The following PLCL1 variants were observed in gnomAD, a reference collection of about 807,000 sequenced individuals.
PLCL1 encodes phospholipase C like 1 (inactive).
PLCL1 carries 41 observed loss-of-function variants against 84.4 expected under a neutral mutation model. The ratio of observed to expected loss-of-function variants is 0.49; its 90% CI spans 0.38 to 0.63. The LOEUF is 0.63. Ranked by LOEUF, PLCL1 falls within the 30% of genes least tolerant of loss-of-function variation. The pLI, the probability that PLCL1 is intolerant of heterozygous loss-of-function variation, is 0.00. For missense variants in PLCL1, 1,206 were observed against 1,367.8 expected (o/e 0.88, Z 1.87); for synonymous variants, 490 against 488.3 (o/e 1.00, Z -0.05).
intron 1 of PLCL1, among the ~76,000 whole-genome samples, chr2:197,974,821 C>T (rs916305406): frequency 6.6e-6 from 1 of 152,212 alleles, no homozygotes; most frequent in Non-Finnish European, 1.5e-5. Context: ...CCTGACAGGC[C>T]TGGGAGCTTG....
chr2:197,866,010 CAAAAAAAAA>C (rs1171570991), intron 1 of PLCL1, among the ~76,000 whole-genome samples: 1 of 11,920 alleles, frequency 8.4e-5, no homozygotes, highest in African/African-American at 4.6e-4. Flanking sequence ...AACCTATCTC[CAAAAAAAAA>C]AAAAAAAAAA....
chr2:198,108,774 C>A (rs1693549247), intron 5 of PLCL1, among the ~76,000 whole-genome samples: 1 of 151,944 alleles, frequency 6.6e-6, no homozygotes, highest in Non-Finnish European at 1.5e-5. Flanking sequence ...AATTCATATT[C>A]TAGCACCTAC....
chr2:197,876,874 G>A (rs1402070860), intron 1 of PLCL1, among the ~76,000 whole-genome samples: 1 of 152,148 alleles, frequency 6.6e-6, no homozygotes, highest in Non-Finnish European at 1.5e-5. Context: ...AATAGGTTAT[G>A]CTATAGATTT....
intron 1 of PLCL1, among the ~76,000 whole-genome samples, chr2:197,955,195 A>T (rs149161062): frequency 2.8e-4 from 43 of 152,114 alleles, no homozygotes; most frequent in African/African-American, 1.0e-3. Context: ...TTTTCTTAAT[A>T]CAGCTTTGCA....
intron 1 of PLCL1, among the ~76,000 whole-genome samples, chr2:198,033,629 C>T (rs532288953): frequency 1.3e-5 from 2 of 152,342 alleles, no homozygotes; most frequent in South Asian, 2.1e-4. Context: ...TAAGCCCAAA[C>T]TGCTGACTGT....
intron 3 of PLCL1, among the ~76,000 whole-genome samples, chr2:198,097,641 T>A (rs1424935341): frequency 6.6e-6 from 1 of 151,954 alleles, no homozygotes; most frequent in Non-Finnish European, 1.5e-5. Flanking sequence ...AGAAAAAAAA[T>A]GATCTGTTTA....
At chr2:198,042,710 A>G (rs894045511) in intron 1 of PLCL1, among the ~76,000 whole-genome samples, 1 of 152,222 alleles carries the variant, frequency 6.6e-6, no homozygotes, top group Admixed American at 6.5e-5. Context: ...TGGAACATCC[A>G]AGTGGAAATA....
At chr2:197,902,973 G>A (rs1688297027) in intron 1 of PLCL1, among the ~76,000 whole-genome samples, 1 of 152,138 alleles carries the variant, frequency 6.6e-6, no homozygotes, top group African/African-American at 2.4e-5. Context: ...TGTTGATACA[G>A]TTCATGAGAT....
intron 1 of PLCL1, among the ~76,000 whole-genome samples, chr2:197,876,029 T>G (rs1293414405): frequency 6.6e-6 from 1 of 152,130 alleles, no homozygotes; most frequent in Non-Finnish European, 1.5e-5. Context: ...AAACTTGGAC[T>G]CCCAGAGAAA....
In PLCL1 at chr2:198,149,340, C is replaced by A. The variant is rs1287245993; in HGVS notation, c.*2378C>A. On this transcript the variant is annotated 3_prime_UTR_variant, in exon 6 of 6. Transcript: ENST00000428675. ...GAATGTAGTGTTTTAGATATTAATT[C>A]TATTTTTATTTATTCATTTTTACAT... The A allele has an allele frequency of 6.6e-6, 1 of 152,088 alleles. No individual in the cohort carries two copies. Among genetic ancestry groups the A allele is most frequent in the African/African-American group, 2.4e-5 (1 of 41,398 alleles). The allele number at this position is 152,088 out of a possible 1,614,324, so 9.4% of individuals were successfully genotyped here.
intron 3 of PLCL1, among the ~76,000 whole-genome samples, chr2:198,097,051 T>C (rs1574309949): frequency 1.3e-5 from 2 of 152,232 alleles, no homozygotes. Flanking sequence ...ATTCCATCAC[T>C]GTCTCTTATT....
chr2:197,979,274 T>C (rs1690054260), intron 1 of PLCL1, among the ~76,000 whole-genome samples: 1 of 152,332 alleles, frequency 6.6e-6, no homozygotes, highest in African/African-American at 2.4e-5. Flanking sequence ...GTCCAATTGA[T>C]ATGAGGTTGT....
chr2:198,133,765 G>A (rs1255411029), intron 5 of PLCL1, among the ~76,000 whole-genome samples: 1 of 152,132 alleles, frequency 6.6e-6, no homozygotes, highest in Non-Finnish European at 1.5e-5. Context: ...CCTCACTCAT[G>A]CTTTTACTCT....
At chr2:198,092,724 A>G (rs534784597) in intron 3 of PLCL1, among the ~76,000 whole-genome samples, 2 of 152,222 alleles carry the variant, frequency 1.3e-5, no homozygotes, top group East Asian at 1.9e-4. Context: ...GCCATGTTTT[A>G]TTTCCATCTT....
At chr2:197,898,433 G>A (rs992346107) in intron 1 of PLCL1, among the ~76,000 whole-genome samples, 1 of 152,116 alleles carries the variant, frequency 6.6e-6, no homozygotes, top group African/African-American at 2.4e-5. Context: ...TTCTCTAAGT[G>A]TACTTTGTTT....
intron 1 of PLCL1, among the ~76,000 whole-genome samples, chr2:198,038,228 C>CT (rs1478800911): frequency 1.3e-5 from 2 of 152,114 alleles, no homozygotes; most frequent in Non-Finnish European, 2.9e-5. Context: ...ACACATACCC[C>CT]TTGTGGCATG....
intron 1 of PLCL1, among the ~76,000 whole-genome samples, chr2:197,989,933 G>A (rs1205987180): frequency 6.6e-6 from 1 of 152,138 alleles, no homozygotes; most frequent in African/African-American, 2.4e-5. Context: ...ATATACAAAT[G>A]AAGGAAAATG....
chr2:198,061,680 A>T (rs1361819342), intron 1 of PLCL1, among the ~76,000 whole-genome samples: 1 of 152,100 alleles, frequency 6.6e-6, no homozygotes, highest in East Asian at 1.9e-4. Context: ...GTTTACTGCA[A>T]CTTCCACCTC....
intron 1 of PLCL1, among the ~76,000 whole-genome samples, chr2:197,932,425 A>G (rs1688955011): frequency 6.6e-6 from 1 of 152,102 alleles, no homozygotes. Context: ...ACATAAGTAA[A>G]CATGTGCCAT....
Sources: gnomAD v4.1 joint callset for allele counts (sites outside exome capture counted in the v4.1 genomes callset) on GRCh38, gnomAD v4.1.1 for gene constraint, MANE v1.5 for transcripts, NCBI Gene and HGNC (gene_info 2026-07-23, HGNC 2026-07-21) for gene names.